Variants in ERP27 observed in about 807,000 individuals in gnomAD.
The protein encoded by ERP27 is endoplasmic reticulum protein 27, also known as endoplasmic reticulum resident protein 27.
A neutral mutation model predicts 27.7 loss-of-function variants in ERP27; 23 were observed. The observed-to-expected ratio is 0.83, with a 90% confidence interval of 0.60 to 1.18. The LOEUF is 1.18. Among genes scored for constraint, ERP27 ranks in the 50% most tolerant of loss-of-function variants. The probability of loss-of-function intolerance (pLI) is 0.00; values close to 1 mark genes in which losing one functional copy is unlikely to be tolerated. For missense variants in ERP27, 363 were observed against 327.9 expected (o/e 1.11, Z -0.83); for synonymous variants, 159 against 118.3 (o/e 1.34, Z -2.23).
At position 14,936,008 on chromosome 12, in the gene ERP27, C is replaced by A. The variant is rs553556040; in HGVS notation, c.196-1015G>T. On this transcript the variant is annotated intron_variant, in intron 2 of 6. Transcript: ENST00000266397. Reference sequence around the variant, plus strand: ...AAGTGCTAGAATTACAGGTGTGAGTCACTGTGCCCGGCCAAGATGTACTTT... The same window carrying A: ...AAGTGCTAGAATTACAGGTGTGAGTAACTGTGCCCGGCCAAGATGTACTTT... Among the ~76,000 whole-genome samples, 292 of 152,254 alleles carry A rather than the reference C, an allele frequency of 1.9e-3. 3 individuals carry two copies. Among genetic ancestry groups the A allele is most frequent in the African/African-American group, 6.7e-3 (278 of 41,534 alleles).
chr12:14,938,513 C>G lies in ERP27; in HGVS notation c.-5G>C. 1 of 1,605,428 alleles carries G rather than the reference C, an allele frequency of 6.2e-7. No individual in the cohort carries two copies. Among genetic ancestry groups the G allele is most frequent in the South Asian group, 1.1e-5 (1 of 90,272 alleles). On this transcript the variant is annotated 5_prime_UTR_variant, in exon 1 of 7. Transcript: ENST00000266397. ...CCTGGACGGGGCAGCTTCCATTGTC[C>G]CTCTCCTGCTCCTGCTCCAACCCTG...
intron 3 of ERP27, among the ~76,000 whole-genome samples, chr12:14,931,628 A>T (rs1038739693): frequency 6.6e-6 from 1 of 152,210 alleles, no homozygotes; most frequent in African/African-American, 2.4e-5. Context: ...CAAAAAACAG[A>T]TGTTAAAGAA....
At chr12:14,916,836 A>G (rs143420171) in intron 5 of ERP27, among the ~76,000 whole-genome samples, 1 of 152,280 alleles carries the variant, frequency 6.6e-6, no homozygotes, top group Non-Finnish European at 1.5e-5. Flanking sequence ...ATGAGCCCTG[A>G]GGTCTAAATC....
At chr12:14,936,195 A>G (rs895028740) in intron 2 of ERP27, among the ~76,000 whole-genome samples, 3 of 152,206 alleles carry the variant, frequency 2.0e-5, no homozygotes. Flanking sequence ...GCCAAAAAAG[A>G]AAAAAAGAAG....
intron 6 of ERP27, 55 bp downstream of exon 6, chr12:14,915,434 A>G: frequency 6.4e-7 from 1 of 1,573,174 alleles, no homozygotes; most frequent in African/African-American, 1.4e-5. Context: ...TTCAACTGGA[A>G]ATAAAAGGGA....
chr12:14,915,898 C>T (rs1431721319), intron 5 of ERP27: 1 of 520,292 alleles, frequency 1.9e-6, no homozygotes, highest in African/African-American at 1.9e-5. Flanking sequence ...GGCTATTATC[C>T]TTAGCAAACT....
In ERP27 at chr12:14,914,353, A is replaced by G. The variant is rs946612402; in HGVS notation, c.*382T>C. The G allele has an allele frequency of 3.1e-5, 6 of 196,658 alleles. No individual in the cohort carries two copies. In the Admixed American group the frequency reaches 3.3e-4, roughly 11 times the overall value. 12.2% of individuals were successfully genotyped at this position (196,658 alleles called of 1,614,324 possible). Reference sequence around the variant, plus strand: ...CAGTATACAAACTTGATATTAAATGACAAATTGGAACAATCTTTCTCTAGG... The same window carrying G: ...CAGTATACAAACTTGATATTAAATGGCAAATTGGAACAATCTTTCTCTAGG... On this transcript the variant is annotated 3_prime_UTR_variant, in exon 7 of 7. Transcript: ENST00000266397.
At chr12:14,927,819 T>C (rs1423396338) in intron 3 of ERP27, among the ~76,000 whole-genome samples, 1 of 151,922 alleles carries the variant, frequency 6.6e-6, no homozygotes, top group Non-Finnish European at 1.5e-5. Flanking sequence ...CTTTTAAAAA[T>C]AGTCTTTGGT....
chr12:14,917,191 A>T lies in ERP27; in HGVS notation c.563T>A (p.Leu188His). ...NMHRYQKAAK[L>H]FQGKILFILV... ...TTCTTGCCTTACCTTCCCCTGGAAG[A>T]GCTTGGCTGCCTTCTGGTATCTGTG... is the stretch of plus-strand genomic sequence containing the variant. The change falls in exon 5 of 7, where the codon CTC (leucine) becomes CAC (histidine). Residue 188 changes from leucine to histidine, a missense_variant. Physicochemically the swap from Leu to His is moderately conservative, Grantham distance 99. Transcript: ENST00000266397. The T allele has an allele frequency of 6.2e-7, 1 of 1,614,076 alleles. No homozygotes were observed. The highest frequency in any genetic ancestry group is 8.5e-7 in the Non-Finnish European group (1 of 1,180,000).
chr12:14,933,255 C>A (rs1300674099), intron 3 of ERP27, among the ~76,000 whole-genome samples: 2 of 152,052 alleles, frequency 1.3e-5, no homozygotes, highest in African/African-American at 4.8e-5. Context: ...TTGGGTCAGG[C>A]AGCATTGTAG....
chr12:14,914,850 TC>T, intron 6 of ERP27, 68 bp from the exon 7 acceptor site: 3 of 1,268,550 alleles, frequency 2.4e-6, no homozygotes, highest in Non-Finnish European at 3.4e-6. Context: ...AAGTCCTAAA[TC>T]CTTCTTTAAT....
intron 3 of ERP27, among the ~76,000 whole-genome samples, chr12:14,926,612 C>T (rs1415401550): frequency 6.6e-6 from 1 of 152,054 alleles, no homozygotes; most frequent in African/African-American, 2.4e-5. Flanking sequence ...TCAGGGATTG[C>T]CAGAATACAT....
chr12:14,938,130 T>C (rs1863799887), intron 1 of ERP27, 78 bp from the exon 2 acceptor site: 1 of 1,194,226 alleles, frequency 8.4e-7, no homozygotes, highest in African/African-American at 1.5e-5. Context: ...TCTATACCTT[T>C]TATCTCTATA....
chr12:14,920,840 G>A, intron 4 of ERP27, 92 bp downstream of exon 4: 1 of 901,600 alleles, frequency 1.1e-6, no homozygotes, highest in Non-Finnish European at 1.8e-6. Context: ...TCGAAGAATT[G>A]GAACTCTGGG....
chr12:14,934,888 TG>T lies in ERP27; in HGVS notation c.300del (p.Asn100LysfsTer13). ...STDSEVLTHY[N>X]ITGNTICLFR... Reference sequence around the variant, plus strand: ...AAGAGGCAGATGGTGTTCCCAGTGATGTTGTAGTGTGTCAGAACCTCAGAAT... The same window carrying T: ...AAGAGGCAGATGGTGTTCCCAGTGATTTGTAGTGTGTCAGAACCTCAGAAT... On this transcript the variant is annotated frameshift_variant, in exon 3 of 7. Transcript: ENST00000266397. LOFTEE classifies it high-confidence loss of function. The T allele has an allele frequency of 6.2e-7, 1 of 1,614,024 alleles. No individual in the cohort carries two copies. The highest frequency in any genetic ancestry group is 1.1e-5 in the South Asian group (1 of 91,070).
Position 14,917,307 on chromosome 12 carries a change from G to T in ERP27, c.451-4C>A. 1 of 1,614,084 alleles carries T rather than the reference G, an allele frequency of 6.2e-7. No homozygotes were observed. The highest frequency in any genetic ancestry group is 8.5e-7 in the Non-Finnish European group (1 of 1,179,984). ...TGTTGAATAACCCAATCACAGTCTG[G>T]CAAGTCGAAATGTGTTACAGTAGAG... On this transcript the variant is annotated splice_region_variant and splice_polypyrimidine_tract_variant and intron_variant, in intron 4 of 6. Transcript: ENST00000266397.
At chr12:14,932,711 A>G (rs1863714441) in intron 3 of ERP27, among the ~76,000 whole-genome samples, 1 of 152,250 alleles carries the variant, frequency 6.6e-6, no homozygotes, top group South Asian at 2.1e-4. Context: ...AAGTAGTAAA[A>G]GGAGATCTGT....
intron 3 of ERP27, 56 bp from the exon 4 acceptor site, chr12:14,921,104 T>TAAACATG (rs1329912952): frequency 1.4e-6 from 2 of 1,422,590 alleles, no homozygotes; most frequent in African/African-American, 2.8e-5. Context: ...CATGTATTGA[T>TAAACATG]AAACGTCTTT....
chr12:14,915,948 T>G (rs1863404218), intron 5 of ERP27: 1 of 337,436 alleles, frequency 3.0e-6, no homozygotes, highest in Non-Finnish European at 5.5e-6. Context: ...TGTTCCCACT[T>G]CTAAGTGGGA....
Sources: allele counts gnomAD v4.1 joint callset (sites outside exome capture counted in the v4.1 genomes callset), GRCh38; gene constraint gnomAD v4.1.1; transcripts MANE v1.5; gene names NCBI Gene and HGNC (gene_info 2026-07-23, HGNC 2026-07-21).